CNTNAP5: variants seen among roughly 807,000 people sequenced by gnomAD.
CNTNAP5 encodes contactin associated protein family member 5.
Under a neutral mutation model 150.2 loss-of-function variants are expected in CNTNAP5, and 72 were observed. The observed-to-expected ratio is 0.48, with a 90% CI of 0.40 to 0.58. The LOEUF (loss-of-function observed/expected upper bound fraction) is 0.58, where lower values mean the gene tolerates loss of function less well. CNTNAP5 is among the 20% of genes least tolerant of loss of function. The pLI is 0.00. For synonymous variants in CNTNAP5, 672 were observed against 619.8 expected (o/e 1.08, Z -1.25); for missense variants, 1,636 against 1,626.2 (o/e 1.01, Z -0.10).
At chr2:124,496,269 T>A (rs1694142953) in intron 7 of CNTNAP5, among the ~76,000 whole-genome samples, 1 of 152,154 alleles carries the variant, frequency 6.6e-6, no homozygotes, top group Admixed American at 6.5e-5. Flanking sequence ...CAGGGCAGTC[T>A]TTTCCCTACA....
intron 1 of CNTNAP5, among the ~76,000 whole-genome samples, chr2:124,061,798 C>T (rs557294165): frequency 6.6e-6 from 1 of 152,252 alleles, no homozygotes; most frequent in East Asian, 1.9e-4. Flanking sequence ...GTCAATATCT[C>T]CTCTTCTCAA....
chr2:124,539,789 A>G (rs915394037), intron 10 of CNTNAP5, among the ~76,000 whole-genome samples: 1 of 152,186 alleles, frequency 6.6e-6, no homozygotes, highest in Admixed American at 6.5e-5. Flanking sequence ...AAACGATGAC[A>G]TTTCTCTGAA....
intron 3 of CNTNAP5, among the ~76,000 whole-genome samples, chr2:124,354,151 C>A (rs1441181907): frequency 6.6e-6 from 1 of 152,046 alleles, no homozygotes; most frequent in African/African-American, 2.4e-5. Context: ...GGATTAAATT[C>A]CAAATGAATG....
intron 8 of CNTNAP5, among the ~76,000 whole-genome samples, chr2:124,521,812 C>T (rs1694853244): frequency 6.6e-6 from 1 of 152,116 alleles, no homozygotes; most frequent in South Asian, 2.1e-4. Flanking sequence ...GACTGTGCTC[C>T]CCAAATACCC....
chr2:124,899,217 T>A (rs1456139230), intron 21 of CNTNAP5, among the ~76,000 whole-genome samples: 1 of 151,456 alleles, frequency 6.6e-6, no homozygotes, highest in Non-Finnish European at 1.5e-5. Context: ...AGCTATAAAT[T>A]TGATTTATAT....
chr2:124,336,629 G>GT (rs1398922116), intron 3 of CNTNAP5, among the ~76,000 whole-genome samples: 1 of 148,854 alleles, frequency 6.7e-6, no homozygotes. Flanking sequence ...GCAGTGTTTG[G>GT]TTTTTTGTCC....
intron 21 of CNTNAP5, among the ~76,000 whole-genome samples, chr2:124,902,340 C>T (rs566729103): frequency 1.3e-5 from 2 of 152,238 alleles, no homozygotes; most frequent in South Asian, 4.1e-4. Context: ...AGGTGGAAAT[C>T]TTGAATAGAA....
At chr2:124,162,242 T>A (rs1344522774) in intron 1 of CNTNAP5, among the ~76,000 whole-genome samples, 2 of 152,212 alleles carry the variant, frequency 1.3e-5, no homozygotes, top group Admixed American at 6.5e-5. Context: ...TAGTAATTAT[T>A]GAATGAAGTA....
chr2:124,187,511 C>A (rs1448529928), intron 1 of CNTNAP5, among the ~76,000 whole-genome samples: 1 of 152,114 alleles, frequency 6.6e-6, no homozygotes, highest in Non-Finnish European at 1.5e-5. Flanking sequence ...ACAAGAGAAG[C>A]AGGAGAGGAC....
intron 1 of CNTNAP5, among the ~76,000 whole-genome samples, chr2:124,046,962 C>A (rs985374927): frequency 1.3e-5 from 2 of 152,138 alleles, no homozygotes; most frequent in African/African-American, 4.8e-5. Context: ...TAAGAAATTT[C>A]TTTGATACAG....
chr2:124,612,996 G>A (rs1272070362), intron 12 of CNTNAP5, among the ~76,000 whole-genome samples: 1 of 152,146 alleles, frequency 6.6e-6, no homozygotes, highest in African/African-American at 2.4e-5. Context: ...AGATTGCAGT[G>A]AGCCGAGATT....
At chr2:124,107,366 T>C (rs1267327896) in intron 1 of CNTNAP5, among the ~76,000 whole-genome samples, 1 of 152,150 alleles carries the variant, frequency 6.6e-6, no homozygotes, top group Non-Finnish European at 1.5e-5. Context: ...CCCAGAACCA[T>C]ATAGGAAAGG....
chr2:124,597,403 G>T (rs1696853561), intron 11 of CNTNAP5, among the ~76,000 whole-genome samples: 1 of 148,624 alleles, frequency 6.7e-6, no homozygotes, highest in Non-Finnish European at 1.5e-5. Flanking sequence ...CACTTATGAA[G>T]CTTAGTTTGG....
intron 7 of CNTNAP5, among the ~76,000 whole-genome samples, chr2:124,476,648 A>T (rs2104835480): frequency 6.6e-6 from 1 of 152,252 alleles, no homozygotes; most frequent in African/African-American, 2.4e-5. Flanking sequence ...CAATGATTAA[A>T]TTCACAGATC....
chr2:124,728,329 A>G (rs534069704), intron 13 of CNTNAP5, among the ~76,000 whole-genome samples: 7 of 152,174 alleles, frequency 4.6e-5, no homozygotes, highest in South Asian at 4.1e-4. Context: ...TTGCTCTTCA[A>G]TTTACGGAAG....
rs1684266750 is a variant in CNTNAP5, at chr2:124,146,882, C to T, written c.83-74823C>T. 2.0e-5 allele frequency among the ~76,000 whole-genome samples: 3 copies of T among 152,170 alleles called. No homozygotes were observed. In the South Asian group the frequency reaches 6.2e-4, roughly 32 times the overall value. Reference sequence around the variant, plus strand: ...ATTAAATGTGGTTTCCTCAGCTTCTCTTATGGCCAGACACTCTTCTTAGGA... The same window carrying T: ...ATTAAATGTGGTTTCCTCAGCTTCTTTTATGGCCAGACACTCTTCTTAGGA... On this transcript the variant is annotated intron_variant, in intron 1 of 23. Coordinates refer to ENST00000682447, the MANE Select transcript of CNTNAP5 (RefSeq NM_001367498.1).
chr2:124,445,242 A>G (rs1242401336), intron 5 of CNTNAP5, among the ~76,000 whole-genome samples: 1 of 151,330 alleles, frequency 6.6e-6, no homozygotes, highest in Admixed American at 6.6e-5. Context: ...GGCGCCCATC[A>G]CCTTGCCTGG....
chr2:124,703,922 T>C (rs866956491), intron 13 of CNTNAP5, among the ~76,000 whole-genome samples: 1 of 152,164 alleles, frequency 6.6e-6, no homozygotes, highest in Non-Finnish European at 1.5e-5. Context: ...TTAAAGAAAG[T>C]GTCCTAGATT....
chr2:124,151,936 ACTT>A (rs1435850446), intron 1 of CNTNAP5, among the ~76,000 whole-genome samples: 1 of 152,236 alleles, frequency 6.6e-6, no homozygotes, highest in Non-Finnish European at 1.5e-5. Flanking sequence ...GGAAATTACA[ACTT>A]CTTAAGGGGT....
Sources: gnomAD v4.1 joint callset for allele counts (sites outside exome capture counted in the v4.1 genomes callset) on GRCh38, gnomAD v4.1.1 for gene constraint, MANE v1.5 for transcripts, NCBI Gene and HGNC (gene_info 2026-07-23, HGNC 2026-07-21) for gene names.